The following GRAMD1B variants were observed in gnomAD, a reference collection of about 807,000 sequenced individuals.
GRAMD1B encodes the protein protein Aster-B.
A neutral mutation model predicts 99.7 loss-of-function variants in GRAMD1B; 37 were observed. The observed-to-expected ratio is 0.37, with a 90% CI of 0.29 to 0.49. GRAMD1B has a LOEUF of 0.49. Ranked by LOEUF, GRAMD1B falls within the 20% of genes least tolerant of loss-of-function variation. The probability of loss-of-function intolerance (pLI) is 0.98; values close to 1 mark genes in which losing one functional copy is unlikely to be tolerated. For missense variants in GRAMD1B, 888 were observed against 1,009.2 expected (o/e 0.88, Z 1.63); for synonymous variants, 427 against 387.6 (o/e 1.10, Z -1.19).
At chr11:123,594,679 G>T in intron 5 of GRAMD1B, 56 bp from the exon 6 acceptor site, 1 of 875,396 alleles carries the variant, frequency 1.1e-6, no homozygotes, top group Non-Finnish European at 2.0e-6. Flanking sequence ...ACTCTGCAGT[G>T]GTTTGCCGAA....
At chr11:123,495,159 A>G in intron 2 of GRAMD1B, among the ~76,000 whole-genome samples, 1 of 152,076 alleles carries the variant, frequency 6.6e-6, no homozygotes, top group South Asian at 2.1e-4. Context: ...ACACACACAC[A>G]TAAATTATGT....
intron 1 of GRAMD1B, among the ~76,000 whole-genome samples, chr11:123,479,090 T>C (rs556770014): frequency 1.3e-5 from 2 of 152,288 alleles, no homozygotes; most frequent in East Asian, 3.9e-4. Context: ...AGCCACTGCA[T>C]AGTGAACGAG....
At chr11:123,369,211 G>A (rs925411231) in intron 1 of GRAMD1B, among the ~76,000 whole-genome samples, 3 of 152,120 alleles carry the variant, frequency 2.0e-5, no homozygotes, top group Non-Finnish European at 2.9e-5. Context: ...TGAAGTGAGA[G>A]AATCACTTGA....
chr11:123,428,566 C>G (rs559456864), upstream of GRAMD1B, among the ~76,000 whole-genome samples: 249 of 152,314 alleles, frequency 1.6e-3, no homozygotes, highest in African/African-American at 5.8e-3. Flanking sequence ...GTTTCCCAGC[C>G]TCTCAAAAGT....
In GRAMD1B at chr11:123,471,435, A is replaced by G. The variant is rs190746349; in HGVS notation, c.375-9381A>G. Among the ~76,000 whole-genome samples, 66 of 152,306 alleles carry G rather than the reference A, an allele frequency of 4.3e-4. 1 individual carries two copies. The East Asian group carries it at 0.012, about 28-fold the overall frequency. On this transcript the variant is annotated intron_variant, in intron 1 of 19. Transcript: ENST00000635736. Reference sequence around the variant, plus strand: ...GTAATTTTAAATGAGTGTCTGAATGAGTCCCGGGAAACATTTTAGGACCAA... The same window carrying G: ...GTAATTTTAAATGAGTGTCTGAATGGGTCCCGGGAAACATTTTAGGACCAA...
intron 2 of GRAMD1B, among the ~76,000 whole-genome samples, chr11:123,495,666 GTCTT>G (rs1467385550): frequency 7.3e-6 from 1 of 136,548 alleles, no homozygotes; most frequent in Non-Finnish European, 1.6e-5. Flanking sequence ...TGCGAAGTTT[GTCTT>G]TCTTCTTCTT....
At chr11:123,590,501 G>C (rs1010435080) in intron 4 of GRAMD1B, among the ~76,000 whole-genome samples, 17 of 152,180 alleles carry the variant, frequency 1.1e-4, no homozygotes, top group Non-Finnish European at 2.4e-4. Context: ...CTCAGCTGGG[G>C]GTTACTGGAG....
At position 123,622,639 on chromosome 11, in the gene GRAMD1B, G is replaced by A; in HGVS notation, c.*44G>A. On this transcript the variant is annotated 3_prime_UTR_variant, in exon 20 of 20. Coordinates refer to ENST00000635736, the MANE Select transcript of GRAMD1B (RefSeq NM_001387025.1). ...GCTGCAAGAGGCCTGTGCAATACAT[G>A]TACATAGACCATATAAATATATATA... 2 of 719,774 alleles carry A rather than the reference G, an allele frequency of 2.8e-6. No homozygotes were observed. 44.6% of individuals were successfully genotyped at this position (719,774 alleles called of 1,614,324 possible). A position where few individuals can be genotyped will look rare whatever the true frequency, so the allele number is the denominator to read the frequency against.
intron 2 of GRAMD1B, among the ~76,000 whole-genome samples, chr11:123,514,609 C>G (rs1390409463): frequency 6.6e-6 from 1 of 152,118 alleles, no homozygotes; most frequent in Non-Finnish European, 1.5e-5. Context: ...AGGACTGGTG[C>G]TTAGGATGCA....
chr11:123,452,384 GC>G (rs1325494257), intron 1 of GRAMD1B, among the ~76,000 whole-genome samples: 1 of 152,178 alleles, frequency 6.6e-6, no homozygotes, highest in Admixed American at 6.5e-5. Context: ...GGTGGCTTAT[GC>G]CTGTAGTCCC....
chr11:123,620,814 G>A (rs1955036863), intron 19 of GRAMD1B, among the ~76,000 whole-genome samples: 1 of 152,218 alleles, frequency 6.6e-6, no homozygotes, highest in Non-Finnish European at 1.5e-5. Context: ...ATCATCAAAT[G>A]CAAACAACTT....
At chr11:123,446,353 A>G (rs539935693) in intron 1 of GRAMD1B, among the ~76,000 whole-genome samples, 1 of 151,848 alleles carries the variant, frequency 6.6e-6, no homozygotes, top group African/African-American at 2.4e-5. Flanking sequence ...TTTAGTAGAG[A>G]TGGGGTTTCA....
chr11:123,616,016 CA>C (rs1228206350), intron 17 of GRAMD1B, among the ~76,000 whole-genome samples: 2 of 152,128 alleles, frequency 1.3e-5, no homozygotes, highest in Admixed American at 6.5e-5. Flanking sequence ...GATATTTTTA[CA>C]AAATTAAAAA....
At chr11:123,612,002 G>A (rs1362127038) in intron 14 of GRAMD1B, among the ~76,000 whole-genome samples, 1 of 152,300 alleles carries the variant, frequency 6.6e-6, no homozygotes, top group Non-Finnish European at 1.5e-5. Context: ...CCAGTGACTG[G>A]GAGCAAGAAT....
chr11:123,554,915 G>T (rs1490161340), intron 2 of GRAMD1B, among the ~76,000 whole-genome samples: 1 of 152,160 alleles, frequency 6.6e-6, no homozygotes, highest in African/African-American at 2.4e-5. Context: ...TATTGGAGAG[G>T]GTGTGGCCAT....
chr11:123,436,100 G>A (rs11602517), intron 1 of GRAMD1B, among the ~76,000 whole-genome samples: 32,809 of 151,652 alleles, frequency 0.22, 4,498 homozygotes, highest in Non-Finnish European at 0.3. Context: ...TCGCCACCAC[G>A]CCCAGATAAT....
intron 1 of GRAMD1B, among the ~76,000 whole-genome samples, chr11:123,369,318 A>T (rs1431294390): frequency 6.6e-6 from 1 of 152,142 alleles, no homozygotes; most frequent in Non-Finnish European, 1.5e-5. Context: ...AAAAAAAGGA[A>T]ATCGCTTGAA....
intron 2 of GRAMD1B, among the ~76,000 whole-genome samples, chr11:123,570,691 T>A (rs1194083690): frequency 2.0e-5 from 3 of 152,198 alleles, no homozygotes; most frequent in African/African-American, 7.2e-5. Context: ...CCCAAAATTC[T>A]GGGATTACAG....
intron 2 of GRAMD1B, among the ~76,000 whole-genome samples, chr11:123,571,732 C>CT (rs1481698508): frequency 5.9e-5 from 9 of 152,128 alleles, no homozygotes; most frequent in African/African-American, 1.7e-4. Context: ...CATGTTATAC[C>CT]TGGTGACTCA....
Sources: gnomAD v4.1 joint callset for allele counts (sites outside exome capture counted in the v4.1 genomes callset) on GRCh38, gnomAD v4.1.1 for gene constraint, MANE v1.5 for transcripts, NCBI Gene and HGNC (gene_info 2026-07-23, HGNC 2026-07-21) for gene names.